SARNP: variants seen among roughly 807,000 people sequenced by gnomAD.
SARNP encodes SAP domain containing ribonucleoprotein.
Under a neutral mutation model 38.1 loss-of-function variants are expected in SARNP, and 5 were observed. That is an observed-to-expected ratio of 0.13 (90% confidence interval 0.07 to 0.28). The LOEUF is 0.28. SARNP is among the 10% of genes least tolerant of loss of function. The probability of loss-of-function intolerance (pLI) is 1.00; values close to 1 mark genes in which losing one functional copy is unlikely to be tolerated. For synonymous variants in SARNP, 84 were observed against 80.6 expected (o/e 1.04, Z -0.23); for missense variants, 180 against 243.9 (o/e 0.74, Z 1.75).
At chr12:55,799,312 C>T (rs903156895) in intron 4 of SARNP, among the ~76,000 whole-genome samples, 12 of 152,184 alleles carry the variant, frequency 7.9e-5, no homozygotes, top group African/African-American at 2.2e-4. Context: ...TAGGACTCAA[C>T]GGCTCTTAAT....
chr12:55,764,797 A>C (rs1475705615), intron 9 of SARNP, among the ~76,000 whole-genome samples: 1 of 142,670 alleles, frequency 7.0e-6, no homozygotes, highest in East Asian at 2.0e-4. Context: ...ACGCCACTGC[A>C]CTCCAGCCTG....
intron 9 of SARNP, among the ~76,000 whole-genome samples, chr12:55,778,785 C>T (rs1459353233): frequency 6.6e-6 from 1 of 152,098 alleles, no homozygotes; most frequent in East Asian, 1.9e-4. Flanking sequence ...GCTTGGCCAA[C>T]ATGGTGAAAC....
At chr12:55,801,724 C>T (rs1388623424) in intron 2 of SARNP, among the ~76,000 whole-genome samples, 1 of 152,088 alleles carries the variant, frequency 6.6e-6, no homozygotes, top group Non-Finnish European at 1.5e-5. Context: ...CTCAAGGGAT[C>T]CTCCTGCCTT....
At chr12:55,772,905 G>C (rs915734697) in intron 9 of SARNP, among the ~76,000 whole-genome samples, 1 of 152,036 alleles carries the variant, frequency 6.6e-6, no homozygotes, top group African/African-American at 2.4e-5. Context: ...AGTAGAGACA[G>C]GGTTTCTCCA....
downstream of SARNP, chr12:55,755,847 T>TA (rs2136172557): frequency 6.6e-6 from 1 of 150,846 alleles, no homozygotes; most frequent in East Asian, 1.9e-4. Flanking sequence ...CTAGGGGAAG[T>TA]AAGATGAGTG....
chr12:55,812,226 T>A (rs887012121), intron 1 of SARNP, among the ~76,000 whole-genome samples: 8 of 152,250 alleles, frequency 5.3e-5, no homozygotes, highest in Admixed American at 2.6e-4. Context: ...TCAACTCTTT[T>A]TGTAAACATC....
chr12:55,800,502 A>T, intron 4 of SARNP, 60 bp downstream of exon 4: 1 of 1,145,708 alleles, frequency 8.7e-7, no homozygotes, highest in Non-Finnish European at 1.3e-6. Context: ...GTTAAACATT[A>T]AATACATTAA....
At position 55,808,437 on chromosome 12, in the gene SARNP, TC is replaced by T. The variant is rs532094045; in HGVS notation, c.37-4710del. 6.1e-3 allele frequency among the ~76,000 whole-genome samples: 923 copies of T among 152,146 alleles called. 6 individuals are homozygous for T. The highest frequency in any genetic ancestry group is 0.02 in the Middle Eastern group (6 of 294). On this transcript the variant is annotated intron_variant, in intron 1 of 10. Coordinates refer to ENST00000336133, the MANE Select transcript of SARNP (RefSeq NM_033082.4). ...GAGTTCAAGCAATTCTGCCTCAGCCTCCCGAGTAGCTGGGATTACACACACG... is the reference window on the plus strand; with the variant it reads ...GAGTTCAAGCAATTCTGCCTCAGCCTCCGAGTAGCTGGGATTACACACACG...
intron 4 of SARNP, among the ~76,000 whole-genome samples, chr12:55,799,056 G>A (rs549776102): frequency 6.6e-6 from 1 of 152,158 alleles, no homozygotes; most frequent in Non-Finnish European, 1.5e-5. Flanking sequence ...TGCACAGTGT[G>A]TGTATACGTG....
In SARNP at chr12:55,794,149, C is replaced by T. The variant is rs528216814; in HGVS notation, c.406+210G>A. On this transcript the variant is annotated intron_variant, in intron 7 of 10. Coordinates refer to ENST00000336133, the MANE Select transcript of SARNP (RefSeq NM_033082.4). ...AAGAAAAGACAGACAAATGTTGGCACTTCCTATCCTCTCATAACATTCAGT... is the reference window on the plus strand; with the variant it reads ...AAGAAAAGACAGACAAATGTTGGCATTTCCTATCCTCTCATAACATTCAGT... 4.5e-4 allele frequency: 248 copies of T among 550,238 alleles called. 1 individual carries two copies. The highest frequency in any genetic ancestry group is 4.5e-3 in the South Asian group (205 of 45,748). The allele number at this position is 550,238 out of a possible 1,614,324, so 34.1% of individuals were successfully genotyped here.
intron 1 of SARNP, among the ~76,000 whole-genome samples, chr12:55,817,030 A>C (rs189647389): frequency 2.0e-5 from 3 of 152,330 alleles, no homozygotes; most frequent in Admixed American, 2.0e-4. Flanking sequence ...GCCGCGTGAC[A>C]GAACTCGAAA....
chr12:55,805,630 T>C (rs1225631636), intron 1 of SARNP, among the ~76,000 whole-genome samples: 3 of 152,180 alleles, frequency 2.0e-5, no homozygotes, highest in Admixed American at 1.3e-4. Context: ...GCAGATCAAC[T>C]GAAGTCAGGA....
chr12:55,805,706 G>A (rs1287195735), intron 1 of SARNP, among the ~76,000 whole-genome samples: 1 of 152,166 alleles, frequency 6.6e-6, no homozygotes, highest in Non-Finnish European at 1.5e-5. Flanking sequence ...TATTAGCTGG[G>A]CATGGTGGCA....
intron 1 of SARNP, among the ~76,000 whole-genome samples, chr12:55,809,294 A>G (rs575334618): frequency 6.6e-6 from 1 of 152,092 alleles, no homozygotes; most frequent in African/African-American, 2.4e-5. Flanking sequence ...AAAAAAAAAA[A>G]TTAGCCGAGC....
At chr12:55,798,942 A>G (rs188263981) in intron 4 of SARNP, among the ~76,000 whole-genome samples, 3 of 152,324 alleles carry the variant, frequency 2.0e-5, no homozygotes, top group Non-Finnish European at 4.4e-5. Context: ...ATTCAGAACA[A>G]TGCCTAGCAT....
At chr12:55,777,964 T>C (rs1879230646) in intron 9 of SARNP, among the ~76,000 whole-genome samples, 1 of 152,148 alleles carries the variant, frequency 6.6e-6, no homozygotes, top group Non-Finnish European at 1.5e-5. Flanking sequence ...ATAATTGACA[T>C]CATTGATTGG....
At chr12:55,803,250 G>A (rs1880037473) in intron 2 of SARNP, among the ~76,000 whole-genome samples, 1 of 152,118 alleles carries the variant, frequency 6.6e-6, no homozygotes, top group South Asian at 2.1e-4. Context: ...TTGGGAGGCT[G>A]AGGCGGGTGG....
At chr12:55,770,861 T>C (rs900734271) in intron 9 of SARNP, among the ~76,000 whole-genome samples, 2 of 152,160 alleles carry the variant, frequency 1.3e-5, no homozygotes, top group Admixed American at 1.3e-4. Flanking sequence ...GGCTGTTTAC[T>C]CTGCCAAAAG....
intron 4 of SARNP, among the ~76,000 whole-genome samples, chr12:55,796,413 T>G (rs551841454): frequency 7.9e-5 from 12 of 152,250 alleles, no homozygotes; most frequent in Admixed American, 7.2e-4. Flanking sequence ...TTTACTTTTA[T>G]TTTTCTGAGA....
Sources: allele counts gnomAD v4.1 joint callset (sites outside exome capture counted in the v4.1 genomes callset), GRCh38; gene constraint gnomAD v4.1.1; transcripts MANE v1.5; gene names NCBI Gene and HGNC (gene_info 2026-07-23, HGNC 2026-07-21).